Variants in WDR70 observed in about 807,000 individuals in gnomAD.
WDR70 encodes the protein WD repeat domain 70, also known as WD repeat-containing protein 70.
WDR70 carries 53 observed loss-of-function variants against 88.6 expected under a neutral mutation model. That is an observed-to-expected ratio of 0.60 (90% CI 0.48 to 0.75). The LOEUF is 0.75. WDR70 is among the 30% of genes least tolerant of loss of function. The pLI, the probability that WDR70 is intolerant of heterozygous loss-of-function variation, is 0.00. For missense variants in WDR70, 610 were observed against 823.2 expected (o/e 0.74, Z 3.17); for synonymous variants, 280 against 270.0 (o/e 1.04, Z -0.36).
chr5:37,579,785 T>A (rs960908554), intron 9 of WDR70, among the ~76,000 whole-genome samples: 3 of 152,178 alleles, frequency 2.0e-5, no homozygotes, highest in African/African-American at 7.2e-5. Flanking sequence ...ATTTTTCTGA[T>A]AAGCAACTTT....
chr5:37,484,004 G>A (rs1211752832), intron 8 of WDR70, among the ~76,000 whole-genome samples: 6 of 151,048 alleles, frequency 4.0e-5, no homozygotes, highest in Non-Finnish European at 7.4e-5. Flanking sequence ...ATGGGCGGCC[G>A]GGCAGAGACG....
At chr5:37,640,169 A>G (rs895716644) in intron 10 of WDR70, among the ~76,000 whole-genome samples, 1 of 152,176 alleles carries the variant, frequency 6.6e-6, no homozygotes, top group Non-Finnish European at 1.5e-5. Context: ...TTTTATACAC[A>G]GCTTACAGAG....
intron 9 of WDR70, among the ~76,000 whole-genome samples, chr5:37,580,694 C>A (rs1041130681): frequency 1.3e-5 from 2 of 152,144 alleles, no homozygotes; most frequent in Non-Finnish European, 2.9e-5. Flanking sequence ...TGGTCTAGGG[C>A]AGATCTTATT....
At chr5:37,713,948 T>C (rs182048909) in intron 13 of WDR70, among the ~76,000 whole-genome samples, 1 of 152,206 alleles carries the variant, frequency 6.6e-6, no homozygotes, top group African/African-American at 2.4e-5. Context: ...TTATATATAG[T>C]GTGGGGAAGA....
chr5:37,433,660 G>T (rs969050531), intron 5 of WDR70, among the ~76,000 whole-genome samples: 1 of 152,142 alleles, frequency 6.6e-6, no homozygotes, highest in Non-Finnish European at 1.5e-5. Context: ...AAAGTGTCAA[G>T]ATTTATATTA....
intron 9 of WDR70, among the ~76,000 whole-genome samples, chr5:37,592,993 C>T (rs949457268): frequency 3.3e-5 from 5 of 152,104 alleles, no homozygotes; most frequent in Non-Finnish European, 7.4e-5. Context: ...CTTATCTCTA[C>T]AAAAAATAAA....
chr5:37,651,578 A>G (rs1360984468), intron 10 of WDR70, among the ~76,000 whole-genome samples: 3 of 152,262 alleles, frequency 2.0e-5, no homozygotes, highest in Non-Finnish European at 2.9e-5. Flanking sequence ...TACACTCCCA[A>G]CAGTGTAAAA....
chr5:37,421,625 G>C (rs183957382), intron 5 of WDR70, among the ~76,000 whole-genome samples: 11 of 152,252 alleles, frequency 7.2e-5, no homozygotes. Context: ...TAACAGAACT[G>C]TGGAGATATC....
chr5:37,660,596 T>C (rs956047353), intron 10 of WDR70, among the ~76,000 whole-genome samples: 2 of 152,180 alleles, frequency 1.3e-5, no homozygotes, highest in African/African-American at 4.8e-5. Context: ...GCCTCTACTT[T>C]GTCTGATATA....
chr5:37,524,435 G>T (rs1311119334), intron 9 of WDR70, among the ~76,000 whole-genome samples: 1 of 152,128 alleles, frequency 6.6e-6, no homozygotes, highest in Non-Finnish European at 1.5e-5. Context: ...AATGCTGAGA[G>T]ATTTTGTCAC....
At chr5:37,572,758 A>T (rs77229722) in intron 9 of WDR70, among the ~76,000 whole-genome samples, 1,816 of 152,282 alleles carry the variant, frequency 0.012, 36 homozygotes, top group African/African-American at 0.041. Flanking sequence ...TTCTCAACAG[A>T]TCTTTCACTT....
At chr5:37,538,093 G>A (rs1445153696) in intron 9 of WDR70, among the ~76,000 whole-genome samples, 3 of 152,058 alleles carry the variant, frequency 2.0e-5, no homozygotes, top group South Asian at 2.1e-4. Context: ...TCAACTGCAC[G>A]TTTTATAAAC....
At chr5:37,618,523 C>T (rs1744410506) in intron 10 of WDR70, among the ~76,000 whole-genome samples, 1 of 152,126 alleles carries the variant, frequency 6.6e-6, no homozygotes, top group Admixed American at 6.5e-5. Context: ...GTGCCCATCA[C>T]CACGCCTGGC....
rs1367426663 is a variant in WDR70, at chr5:37,493,767, G to T, written c.840+13780G>T. ...TTAAGTAATGATGAAAGTCCTTGAG[G>T]AGTTGTTAGGGATTGTGATCAAACA... On this transcript the variant is annotated intron_variant, in intron 8 of 17. Transcript: ENST00000265107. Among the ~76,000 whole-genome samples, 5 of 152,038 alleles carry T rather than the reference G, an allele frequency of 3.3e-5. No individual in the cohort carries two copies. In the South Asian group the frequency reaches 1.0e-3, roughly 32 times the overall value.
intron 10 of WDR70, among the ~76,000 whole-genome samples, chr5:37,689,894 C>T (rs1581499391): frequency 6.6e-6 from 1 of 152,116 alleles, no homozygotes; most frequent in African/African-American, 2.4e-5. Flanking sequence ...TTCAGAAGGT[C>T]GGTAATAACA....
At chr5:37,655,782 T>G (rs1745536496) in intron 10 of WDR70, among the ~76,000 whole-genome samples, 2 of 152,054 alleles carry the variant, frequency 1.3e-5, no homozygotes, top group African/African-American at 4.8e-5. Context: ...GTTTTTCAGC[T>G]CCATCAGATC....
At chr5:37,566,882 C>T (rs534368559) in intron 9 of WDR70, among the ~76,000 whole-genome samples, 95 of 152,250 alleles carry the variant, frequency 6.2e-4, no homozygotes, top group African/African-American at 2.2e-3. Flanking sequence ...GGATTTAGTT[C>T]AGAGGAGAAC....
intron 5 of WDR70, among the ~76,000 whole-genome samples, chr5:37,423,372 A>G (rs1480241785): frequency 6.6e-6 from 1 of 151,358 alleles, no homozygotes; most frequent in African/African-American, 2.4e-5. Context: ...TAAAAAAAAA[A>G]AAGAAGAAAA....
At chr5:37,566,958 A>G (rs573498) in intron 9 of WDR70, among the ~76,000 whole-genome samples, 4,021 of 152,264 alleles carry the variant, frequency 0.026, 190 homozygotes, top group African/African-American at 0.091. Context: ...GAAAATCACT[A>G]TAAGGCTTCT....
Sources: allele counts gnomAD v4.1 joint callset (sites outside exome capture counted in the v4.1 genomes callset), GRCh38; gene constraint gnomAD v4.1.1; transcripts MANE v1.5; gene names NCBI Gene and HGNC (gene_info 2026-07-23, HGNC 2026-07-21).